The following ZC3H12B variants were observed in gnomAD, a reference collection of about 807,000 sequenced individuals.
ZC3H12B encodes the protein probable ribonuclease ZC3H12B.
ZC3H12B carries 7 observed loss-of-function variants against 43.9 expected under a neutral mutation model. That is an observed-to-expected ratio of 0.16 (90% confidence interval 0.09 to 0.30). The LOEUF is 0.30. Among genes scored for constraint, ZC3H12B ranks in the 10% least tolerant of loss-of-function variants. The pLI, the probability that ZC3H12B is intolerant of heterozygous loss-of-function variation, is 1.00. For synonymous variants in ZC3H12B, 222 were observed against 241.7 expected, an observed-to-expected ratio of 0.92 and a Z score of 0.76; for missense variants, 475 against 670.2, an observed-to-expected ratio of 0.71 and a Z score of 3.22.
the ZC3H12B span, among the ~76,000 whole-genome samples, chrX:65,229,652 A>T: frequency 9.6e-6 from 1 of 103,748 alleles, no homozygotes; most frequent in Non-Finnish European, 2.0e-5. Flanking sequence ...AAGGGCTAAT[A>T]TCCAGAATCT....
At chrX:65,152,120 A>G in the ZC3H12B span, among the ~76,000 whole-genome samples, 1 of 111,679 alleles carries the variant, frequency 9.0e-6, no homozygotes, top group Non-Finnish European at 1.9e-5. Flanking sequence ...CCCACAGCCA[A>G]TATCATACTG....
At chrX:65,120,529 C>G in the ZC3H12B span, among the ~76,000 whole-genome samples, 1 of 111,718 alleles carries the variant, frequency 9.0e-6, no homozygotes, top group Non-Finnish European at 1.9e-5. Flanking sequence ...AGTTGCCTAT[C>G]AGCTTAAGGA....
the ZC3H12B span, among the ~76,000 whole-genome samples, chrX:65,088,140 A>T: frequency 8.9e-6 from 1 of 111,891 alleles, no homozygotes; most frequent in Non-Finnish European, 1.9e-5. Flanking sequence ...CCTGTGTAAG[A>T]TTCCCAGCCT....
intron 2 of ZC3H12B, among the ~76,000 whole-genome samples, chrX:65,372,364 T>G (rs766315221): frequency 9.0e-6 from 1 of 111,201 alleles, no homozygotes; most frequent in Non-Finnish European, 1.9e-5. Flanking sequence ...TCAACTGTGT[T>G]GGGGAAGCAA....
the ZC3H12B span, among the ~76,000 whole-genome samples, chrX:65,082,999 GA>G: frequency 3.3e-4 from 34 of 102,600 alleles, no homozygotes; most frequent in East Asian, 2.7e-3. Context: ...GAATGAAGGA[GA>G]AAAAAAAAAC....
the ZC3H12B span, among the ~76,000 whole-genome samples, chrX:65,290,487 T>C: frequency 9.0e-6 from 1 of 111,424 alleles, no homozygotes; most frequent in Non-Finnish European, 1.9e-5. Flanking sequence ...ACCATTCACT[T>C]AAGCAATCCT....
At chrX:65,225,057 G>A in the ZC3H12B span, among the ~76,000 whole-genome samples, 1 of 111,919 alleles carries the variant, frequency 8.9e-6, no homozygotes, top group Non-Finnish European at 1.9e-5. Context: ...ATCTGAGAAT[G>A]GGTAGACTGC....
At chrX:65,251,298 T>C in the ZC3H12B span, among the ~76,000 whole-genome samples, 1 of 111,675 alleles carries the variant, frequency 9.0e-6, no homozygotes, top group Non-Finnish European at 1.9e-5. Context: ...TTGGTCTATA[T>C]CTCTGTTTTG....
intron 3 of ZC3H12B, among the ~76,000 whole-genome samples, chrX:65,437,447 G>A (rs1206986219): frequency 8.9e-5 from 10 of 112,221 alleles, no homozygotes; most frequent in Non-Finnish European, 1.9e-5. Flanking sequence ...TCTGACTAGG[G>A]TGAGATGATA....
chrX:65,386,516 A>T (rs998552592), intron 2 of ZC3H12B, among the ~76,000 whole-genome samples: 6 of 110,633 alleles, frequency 5.4e-5, no homozygotes, highest in Non-Finnish European at 9.5e-5. Flanking sequence ...TTTTTATTGC[A>T]TCTATTTGAT....
the ZC3H12B span, among the ~76,000 whole-genome samples, chrX:65,095,415 G>C: frequency 9.0e-6 from 1 of 111,333 alleles, no homozygotes; most frequent in East Asian, 2.8e-4. Context: ...AGATCTGTCA[G>C]ATAATTGAGG....
chrX:65,382,217 A>C (rs1375533569), intron 2 of ZC3H12B, among the ~76,000 whole-genome samples: 1 of 110,398 alleles, frequency 9.1e-6, no homozygotes, highest in Non-Finnish European at 1.9e-5. Flanking sequence ...AATACTGGCA[A>C]ACCGAATCCA....
chrX:65,351,245 G>T, the ZC3H12B span, among the ~76,000 whole-genome samples: 3 of 111,630 alleles, frequency 2.7e-5, no homozygotes, highest in East Asian at 8.4e-4. Context: ...TTAATAAAAG[G>T]TGTTGGGAAA....
At chrX:65,296,295 G>T in the ZC3H12B span, among the ~76,000 whole-genome samples, 1 of 111,100 alleles carries the variant, frequency 9.0e-6, no homozygotes, top group East Asian at 2.8e-4. Context: ...GCAGATGTGG[G>T]AACTAAGCTA....
chrX:65,222,912 G>A, the ZC3H12B span, among the ~76,000 whole-genome samples: 3 of 110,177 alleles, frequency 2.7e-5, no homozygotes, highest in Non-Finnish European at 3.8e-5. Flanking sequence ...AACCAAAAAA[G>A]AGCCCACATA....
chrX:65,174,412 C>T, the ZC3H12B span, among the ~76,000 whole-genome samples: 35 of 112,147 alleles, frequency 3.1e-4, no homozygotes, highest in Non-Finnish European at 3.0e-4. Flanking sequence ...GAAGATGTGC[C>T]AAGATCTGCT....
At chrX:65,047,820 A>G in the ZC3H12B span, among the ~76,000 whole-genome samples, 6 of 110,701 alleles carry the variant, frequency 5.4e-5, no homozygotes, top group Non-Finnish European at 1.1e-4. Flanking sequence ...TTTTTAAAAG[A>G]AAAACTACTC....
chrX:65,284,627 T>C, the ZC3H12B span, among the ~76,000 whole-genome samples: 1 of 110,232 alleles, frequency 9.1e-6, no homozygotes, highest in South Asian at 3.9e-4. Context: ...TGGGCGTGGT[T>C]GTATGTGCCT....
chrX:65,490,522 T>A (rs750354993), intron 1 of ZC3H12B, among the ~76,000 whole-genome samples: 5 of 111,502 alleles, frequency 4.5e-5, no homozygotes, highest in Non-Finnish European at 9.4e-5. Flanking sequence ...ATTGAACTTG[T>A]AAGAGAATAA....
Sources: allele counts gnomAD v4.1 joint callset (sites outside exome capture counted in the v4.1 genomes callset), GRCh38; gene constraint gnomAD v4.1.1; transcripts MANE v1.5; gene names NCBI Gene and HGNC (gene_info 2026-07-23, HGNC 2026-07-21).